Variants in INPP4B observed in about 807,000 individuals in gnomAD.
INPP4B encodes inositol polyphosphate 4-phosphatase type II.
Under a neutral mutation model 122.5 loss-of-function variants are expected in INPP4B, and 55 were observed. The ratio of observed to expected loss-of-function variants is 0.45; its 90% CI spans 0.36 to 0.56. INPP4B has a LOEUF of 0.56. Ranked by LOEUF, INPP4B falls within the 20% of genes least tolerant of loss-of-function variation. The probability of loss-of-function intolerance (pLI) is 0.00; values close to 1 mark genes in which losing one functional copy is unlikely to be tolerated. For synonymous variants in INPP4B, 403 were observed against 388.7 expected (o/e 1.04, Z -0.43); for missense variants, 1,000 against 1,097.7 (o/e 0.91, Z 1.26).
At chr4:142,785,186 A>G (rs1775580517) in intron 1 of INPP4B, among the ~76,000 whole-genome samples, 1 of 152,150 alleles carries the variant, frequency 6.6e-6, no homozygotes, top group Non-Finnish European at 1.5e-5. Flanking sequence ...ACCTATAGCT[A>G]TAGCAAACTT....
chr4:142,498,634 C>T, intron 2 of INPP4B, among the ~76,000 whole-genome samples: 1 of 151,670 alleles, frequency 6.6e-6, no homozygotes, highest in Admixed American at 6.6e-5. Flanking sequence ...GAAAAAAACA[C>T]ACAAAAATTA....
chr4:142,601,916 C>T (rs1007654060), intron 2 of INPP4B, among the ~76,000 whole-genome samples: 1 of 132,282 alleles, frequency 7.6e-6, no homozygotes, highest in African/African-American at 2.9e-5. Context: ...TTGCAGTAAG[C>T]CAAGATTGCA....
intron 8 of INPP4B, 87 bp from the exon 9 acceptor site, chr4:142,305,624 GA>G (rs1403384989): frequency 2.8e-5 from 42 of 1,515,716 alleles, no homozygotes; most frequent in Admixed American, 6.0e-5. Flanking sequence ...TGAGTCTTTA[GA>G]AGAATGAAAT....
intron 2 of INPP4B, among the ~76,000 whole-genome samples, chr4:142,599,552 C>T (rs1000881385): frequency 1.2e-4 from 19 of 152,032 alleles, no homozygotes; most frequent in African/African-American, 4.1e-4. Flanking sequence ...TAAGTAAAGT[C>T]GAAAATCTAG....
rs1311150586 is a variant in INPP4B, at chr4:142,124,605, T to C, written c.1876A>G (p.Ile626Val). The change falls in exon 19 of 26, where the codon ATC becomes GTC. Residue 626 changes from isoleucine to valine, a missense_variant. Transcript: ENST00000262992. ...GCACCTACTGCTTGGCTGAAGACGA[T>C]GTCTCTTCTTAGCGTCAGCATCAGA... ...QCLMLTLRRD[I>V]VFSQALAGLV... is the part of the protein sequence containing the mutation. 1 of 1,613,458 alleles carries C rather than the reference T, an allele frequency of 6.2e-7. No homozygotes were observed.
intron 15 of INPP4B, among the ~76,000 whole-genome samples, chr4:142,182,678 G>A (rs1268920155): frequency 2.0e-5 from 3 of 151,816 alleles, no homozygotes; most frequent in Non-Finnish European, 4.4e-5. Context: ...ATTAAGCAAT[G>A]GAAATGAATG....
At chr4:142,319,166 A>G (rs1769041158) in intron 7 of INPP4B, among the ~76,000 whole-genome samples, 2 of 152,174 alleles carry the variant, frequency 1.3e-5, no homozygotes, top group Admixed American at 6.5e-5. Flanking sequence ...CCTGGACCTC[A>G]TGCAAGTGCA....
chr4:142,334,258 C>A (rs1775745725), intron 7 of INPP4B, among the ~76,000 whole-genome samples: 1 of 152,148 alleles, frequency 6.6e-6, no homozygotes, highest in Non-Finnish European at 1.5e-5. Context: ...CATACATATA[C>A]TTGTATGATA....
At chr4:142,336,150 C>G (rs1247235643) in intron 7 of INPP4B, among the ~76,000 whole-genome samples, 1 of 152,220 alleles carries the variant, frequency 6.6e-6, no homozygotes, top group Non-Finnish European at 1.5e-5. Context: ...GACAGCTTTT[C>G]TTCTGTTGCT....
chr4:142,757,784 ATT>A (rs1770719698), intron 1 of INPP4B, among the ~76,000 whole-genome samples: 2 of 152,190 alleles, frequency 1.3e-5, no homozygotes, highest in South Asian at 4.1e-4. Flanking sequence ...AAGGAGCATG[ATT>A]GCTGGATCTT....
chr4:142,112,521 G>C, intron 22 of INPP4B, 21 bp downstream of exon 22: 1 of 1,610,748 alleles, frequency 6.2e-7, no homozygotes, highest in Non-Finnish European at 8.5e-7. Flanking sequence ...TCTCAAGTGC[G>C]ACTCTTACAC....
At chr4:142,077,861 T>C (rs1771662219) in intron 25 of INPP4B, among the ~76,000 whole-genome samples, 1 of 152,058 alleles carries the variant, frequency 6.6e-6, no homozygotes, top group African/African-American at 2.4e-5. Context: ...CGGATTTAAA[T>C]TAAAATTGGT....
chr4:142,356,048 A>G (rs576266685), intron 7 of INPP4B, among the ~76,000 whole-genome samples: 1 of 151,836 alleles, frequency 6.6e-6, no homozygotes, highest in Non-Finnish European at 1.5e-5. Context: ...CAAATCTTTC[A>G]TATTGATAAG....
intron 3 of INPP4B, among the ~76,000 whole-genome samples, chr4:142,439,958 C>T (rs1222948668): frequency 6.6e-6 from 1 of 152,210 alleles, no homozygotes; most frequent in Non-Finnish European, 1.5e-5. Flanking sequence ...CCCCTAGTAA[C>T]TTATCTCACA....
chr4:142,336,789 C>G (rs942098055), intron 7 of INPP4B, among the ~76,000 whole-genome samples: 1 of 152,230 alleles, frequency 6.6e-6, no homozygotes, highest in African/African-American at 2.4e-5. Context: ...GGCAGAGGCG[C>G]CACTGGCCAG....
At chr4:142,689,201 G>A (rs1377817815) in intron 2 of INPP4B, among the ~76,000 whole-genome samples, 2 of 152,114 alleles carry the variant, frequency 1.3e-5, no homozygotes, top group African/African-American at 4.8e-5. Flanking sequence ...AACCCATTGG[G>A]TGTTATATTC....
At chr4:142,109,031 A>G (rs1174061034) in intron 22 of INPP4B, among the ~76,000 whole-genome samples, 1 of 152,028 alleles carries the variant, frequency 6.6e-6, no homozygotes, top group South Asian at 2.1e-4. Context: ...GCATGTCCCC[A>G]ATATTTTGGC....
intron 15 of INPP4B, among the ~76,000 whole-genome samples, chr4:142,192,646 T>C (rs1836508941): frequency 1.3e-5 from 2 of 152,144 alleles, no homozygotes; most frequent in South Asian, 4.1e-4. Flanking sequence ...TCTGTATTGT[T>C]GTGTCTTTTT....
At chr4:142,152,556 C>G (rs1814788420) in intron 17 of INPP4B, among the ~76,000 whole-genome samples, 1 of 152,044 alleles carries the variant, frequency 6.6e-6, no homozygotes, top group South Asian at 2.1e-4. Context: ...CACATAACGA[C>G]TCTGAAAATT....
Sources: gnomAD v4.1 joint callset for allele counts (sites outside exome capture counted in the v4.1 genomes callset) on GRCh38, gnomAD v4.1.1 for gene constraint, MANE v1.5 for transcripts, NCBI Gene and HGNC (gene_info 2026-07-23, HGNC 2026-07-21) for gene names.